SLC1A3: variants seen among roughly 807,000 people sequenced by gnomAD.
SLC1A3 encodes the protein solute carrier family 1 member 3.
In SLC1A3, 21 loss-of-function variants were observed where a neutral mutation model predicts 48.1. The observed-to-expected ratio is 0.44, with a 90% CI of 0.31 to 0.63. The LOEUF (loss-of-function observed/expected upper bound fraction) is 0.63, where lower values mean the gene tolerates loss of function less well. Among genes scored for constraint, SLC1A3 ranks in the 20% least tolerant of loss-of-function variants. The pLI is 0.08. For missense variants in SLC1A3, 546 were observed against 689.0 expected (o/e 0.79, Z 2.32); for synonymous variants, 239 against 251.4 (o/e 0.95, Z 0.47).
chr5:36,634,844 T>C (rs752132909), intron 3 of SLC1A3, among the ~76,000 whole-genome samples: 4 of 152,164 alleles, frequency 2.6e-5, no homozygotes, highest in Non-Finnish European at 5.9e-5. Flanking sequence ...AGGGCTTTCT[T>C]AATTAAAAAT....
chr5:36,619,919 C>T (rs939207176), intron 2 of SLC1A3, among the ~76,000 whole-genome samples: 2 of 152,146 alleles, frequency 1.3e-5, no homozygotes, highest in South Asian at 4.1e-4. Context: ...ATTTATAATG[C>T]TTTTGATGAA....
chr5:36,605,338 G>T (rs1738890231), upstream of SLC1A3, among the ~76,000 whole-genome samples: 1 of 152,174 alleles, frequency 6.6e-6, no homozygotes, highest in Non-Finnish European at 1.5e-5. Flanking sequence ...AATGTCAAAA[G>T]CATGTACTTT....
intron 1 of SLC1A3, 195 bp from the exon 2 acceptor site, chr5:36,608,134 C>T (rs773432605): frequency 2.0e-4 from 70 of 353,542 alleles, no homozygotes; most frequent in Admixed American, 3.4e-4. Context: ...AGAATATATT[C>T]CGAATTTATG....
chr5:36,658,467 G>T (rs1003965721), intron 3 of SLC1A3, among the ~76,000 whole-genome samples: 1 of 152,180 alleles, frequency 6.6e-6, no homozygotes, highest in Non-Finnish European at 1.5e-5. Context: ...TTGGAGAAAT[G>T]ATGCATATTG....
intron 3 of SLC1A3, among the ~76,000 whole-genome samples, chr5:36,660,948 CTT>C (rs1289139450): frequency 1.3e-5 from 2 of 152,194 alleles, no homozygotes; most frequent in African/African-American, 2.4e-5. Context: ...TCTTTCTCCT[CTT>C]GTCATTCTCT....
chr5:36,683,489 A>C (rs1327556172), intron 8 of SLC1A3, among the ~76,000 whole-genome samples: 2 of 151,924 alleles, frequency 1.3e-5, no homozygotes, highest in African/African-American at 4.8e-5. Context: ...TGGGTGGATC[A>C]CTTGAGGTCA....
chr5:36,673,918 C>T, intron 4 of SLC1A3, 131 bp from the exon 5 acceptor site: 2 of 761,150 alleles, frequency 2.6e-6, no homozygotes, highest in Non-Finnish European at 4.8e-6. Flanking sequence ...CTGTAAAATC[C>T]ACTAACATTT....
At chr5:36,617,230 T>C (rs1162758969) in intron 2 of SLC1A3, among the ~76,000 whole-genome samples, 1 of 152,162 alleles carries the variant, frequency 6.6e-6, no homozygotes, top group Non-Finnish European at 1.5e-5. Flanking sequence ...CTGAACACAA[T>C]TAGTGACTTT....
At chr5:36,627,177 A>G (rs1046700849) in intron 2 of SLC1A3, among the ~76,000 whole-genome samples, 92 of 152,186 alleles carry the variant, frequency 6.0e-4, no homozygotes, top group African/African-American at 2.2e-3. Flanking sequence ...ACACGTACGT[A>G]CCTAGACTCT....
At position 36,640,421 on chromosome 5, in the gene SLC1A3, G is replaced by A. The variant is rs529573822; in HGVS notation, c.319+10834G>A. The stretch of plus-strand genomic sequence containing the variant: ...ACCCATCAACTTCTATACTACCAGT[G>A]TAACACTCTTCTCAACCGGACTGCC... On this transcript the variant is annotated intron_variant, in intron 3 of 9. Coordinates refer to ENST00000265113, the MANE Select transcript of SLC1A3 (RefSeq NM_004172.5). Among the ~76,000 whole-genome samples, 9 of 152,324 alleles carry A rather than the reference G, an allele frequency of 5.9e-5. No individual in the cohort carries two copies. In the South Asian group the frequency reaches 1.9e-3, roughly 32 times the overall value.
chr5:36,679,700 G>T lies in SLC1A3; in HGVS notation c.934G>T (p.Gly312Trp), dbSNP rs1131691717. Residue 312 changes from glycine to tryptophan, a missense_variant, in exon 7 of 10, where the codon GGG (glycine) becomes TGG (tryptophan). By Grantham distance (184) the Gly-to-Trp change is radical. Around this residue, in one of 3 missense-constraint regions of SLC1A3, gnomAD observed 348 missense variants for 392.0 expected, o/e 0.89. Coordinates refer to ENST00000265113, the MANE Select transcript of SLC1A3 (RefSeq NM_004172.5). ...VEMEDMGVIG[G>W]QLAMYTVTVI... ...GATGGAAGACATGGGTGTGATTGGG[G>T]GGCAGCTTGCCATGTACACCGTGAC... 1 of 1,614,156 alleles carries T rather than the reference G, an allele frequency of 6.2e-7. No homozygotes were observed. Among genetic ancestry groups the T allele is most frequent in the East Asian group, 2.2e-5 (1 of 44,884 alleles).
chr5:36,668,224 C>T (rs1741840293), intron 3 of SLC1A3: 1 of 152,224 alleles, frequency 6.6e-6, no homozygotes, highest in African/African-American at 2.4e-5. Flanking sequence ...TAAAAAGGTT[C>T]GTCTCTCATA....
upstream of SLC1A3, among the ~76,000 whole-genome samples, chr5:36,602,210 G>A (rs573668002): frequency 1.3e-4 from 20 of 152,090 alleles, no homozygotes; most frequent in East Asian, 3.3e-3. Context: ...AAACTCCTGG[G>A]GGCTTCTTTT....
chr5:36,663,597 G>A (rs1473746166), intron 3 of SLC1A3, among the ~76,000 whole-genome samples: 2 of 152,082 alleles, frequency 1.3e-5, no homozygotes, highest in Non-Finnish European at 2.9e-5. Flanking sequence ...GTGTTGACAA[G>A]TTTTAAGGGT....
At chr5:36,618,062 T>C (rs1353349436) in intron 2 of SLC1A3, among the ~76,000 whole-genome samples, 1 of 152,214 alleles carries the variant, frequency 6.6e-6, no homozygotes, top group Non-Finnish European at 1.5e-5. Context: ...ACTTTGCAGT[T>C]TGTGCGGGTT....
intron 2 of SLC1A3, among the ~76,000 whole-genome samples, chr5:36,620,763 C>A (rs1484749639): frequency 6.6e-6 from 1 of 151,982 alleles, no homozygotes; most frequent in African/African-American, 2.4e-5. Context: ...ATTTAGCAGG[C>A]AGAGAAAATA....
chr5:36,684,139 G>A (rs960408633), intron 9 of SLC1A3, 141 bp downstream of exon 9: 51 of 1,092,188 alleles, frequency 4.7e-5, no homozygotes, highest in East Asian at 1.4e-4. Context: ...TGTCCTTATT[G>A]TCTGACCCCT....
chr5:36,615,206 C>T (rs1287696545), intron 2 of SLC1A3, among the ~76,000 whole-genome samples: 2 of 152,140 alleles, frequency 1.3e-5, no homozygotes, highest in Non-Finnish European at 2.9e-5. Flanking sequence ...GCTCCATCAA[C>T]TAACTCGATT....
At chr5:36,669,602 T>C (rs1205613202) in intron 3 of SLC1A3, 1 of 152,122 alleles carries the variant, frequency 6.6e-6, no homozygotes, top group Non-Finnish European at 1.5e-5. Context: ...TATAGGTTGT[T>C]AAAAATAAGA....
Sources: gnomAD v4.1 joint callset for allele counts (sites outside exome capture counted in the v4.1 genomes callset) on GRCh38, gnomAD v4.1.1 for gene constraint, gnomAD v4.1.1 regional missense constraint, MANE v1.5 for transcripts, NCBI Gene and HGNC (gene_info 2026-07-23, HGNC 2026-07-21) for gene names.